The following ARID1B variants were observed in gnomAD, a reference collection of about 807,000 sequenced individuals.
The protein encoded by ARID1B is AT-rich interaction domain 1B.
A neutral mutation model predicts 212.3 loss-of-function variants in ARID1B; 30 were observed. That is an observed-to-expected ratio of 0.14 (90% CI 0.11 to 0.19). ARID1B has a LOEUF of 0.19. ARID1B is among the 10% of genes least tolerant of loss of function. The pLI, the probability that ARID1B is intolerant of heterozygous loss-of-function variation, is 1.00. For missense variants in ARID1B, 2,891 were observed against 3,204.0 expected, an observed-to-expected ratio of 0.90 and a Z score of 2.36; for synonymous variants, 1,402 against 1,301.7, an observed-to-expected ratio of 1.08 and a Z score of -1.66.
At chr6:157,187,546 G>A (rs747969377) in intron 13 of ARID1B, among the ~76,000 whole-genome samples, 6 of 152,130 alleles carry the variant, frequency 3.9e-5, no homozygotes, top group African/African-American at 7.2e-5. Flanking sequence ...CACCAGGTTC[G>A]TGCCGGGTAA....
chr6:157,011,108 C>G (rs1466169834), intron 4 of ARID1B, among the ~76,000 whole-genome samples: 3 of 152,108 alleles, frequency 2.0e-5, no homozygotes, highest in Non-Finnish European at 4.4e-5. Flanking sequence ...TTCTGTACTT[C>G]TTTTCATTTG....
chr6:157,140,487 C>G (rs1464861359), intron 7 of ARID1B: 1 of 395,324 alleles, frequency 2.5e-6, no homozygotes, highest in Non-Finnish European at 4.5e-6. Context: ...ATAAAAAGAA[C>G]ACTTTTTGCC....
chr6:156,777,873 G>C lies in ARID1B; in HGVS notation c.193G>C (p.Gly65Arg), dbSNP rs1475395446. Residue 65 changes from glycine (G) to arginine (R), a missense_variant, in exon 1 of 20, where the codon GGC becomes CGC. By Grantham distance (125) the Gly-to-Arg change is moderately radical. This residue lies in a region of ARID1B where 1,643 missense variants were observed against 1,544.0 expected (regional missense o/e 1.06). Transcript: ENST00000636930. ...GPMLGGGGDG[G>R]GGLNSVHHHP... The stretch of plus-strand genomic sequence containing the variant: ...CATGCTGGGGGGCGGCGGCGACGGC[G>C]GCGGCGGCCTGAACAGTGTGCACCA... 2 of 1,346,976 alleles carry C rather than the reference G, an allele frequency of 1.5e-6. No individual in the cohort carries two copies. The highest frequency in any genetic ancestry group is 3.9e-5 in the Admixed American group (1 of 25,414). 83.4% of individuals were successfully genotyped at this position (1,346,976 alleles called of 1,614,324 possible).
At chr6:156,856,036 G>A (rs1045573423) in intron 2 of ARID1B, among the ~76,000 whole-genome samples, 2 of 152,162 alleles carry the variant, frequency 1.3e-5, no homozygotes, top group African/African-American at 2.4e-5. Context: ...TAGATGGAGG[G>A]AAGACAGCAG....
chr6:157,048,741 C>T (rs763465569), intron 4 of ARID1B, among the ~76,000 whole-genome samples: 9 of 152,280 alleles, frequency 5.9e-5, no homozygotes, highest in Non-Finnish European at 1.2e-4. Flanking sequence ...TCCCTGAATT[C>T]GGCTGGTGTC....
At chr6:157,080,424 A>G (rs996134479) in intron 4 of ARID1B, among the ~76,000 whole-genome samples, 5 of 152,208 alleles carry the variant, frequency 3.3e-5, no homozygotes, top group African/African-American at 1.2e-4. Flanking sequence ...GCAAGTCGTC[A>G]TGTAGTAATG....
At chr6:157,132,652 C>T (rs757293825) in intron 6 of ARID1B, among the ~76,000 whole-genome samples, 2 of 152,190 alleles carry the variant, frequency 1.3e-5, no homozygotes, top group South Asian at 4.1e-4. Flanking sequence ...CAGGCACGCA[C>T]GGCATGGCCA....
At chr6:156,784,529 T>G (rs2115089056) in intron 1 of ARID1B, among the ~76,000 whole-genome samples, 1 of 152,322 alleles carries the variant, frequency 6.6e-6, no homozygotes, top group South Asian at 2.1e-4. Context: ...GACTTAGGTA[T>G]CAGTCATTAC....
At position 157,148,578 on chromosome 6, in the gene ARID1B, A is replaced by G; in HGVS notation, c.2762-46A>G. The G allele has an allele frequency of 1.3e-6, 2 of 1,551,520 alleles. No homozygotes were observed. Among genetic ancestry groups the G allele is most frequent in the Non-Finnish European group, 8.8e-7 (1 of 1,141,488 alleles). ...AAAAGTATTTCCAGTGAATGTTGTC[A>G]CAAGTTTAAATAAAAGGCTTTACTT... On this transcript the variant is annotated intron_variant, in intron 7 of 19. Coordinates refer to ENST00000636930, the MANE Select transcript of ARID1B (RefSeq NM_001374828.1). The surrounding 1 kb of genome is among the most constrained non-coding windows in gnomAD (Gnocchi z 5.6).
rs756220726 is a variant in ARID1B, at chr6:157,207,041, A to G, written c.6269A>G (p.Lys2090Arg). ...CCTGGCAATGATGCCGAAATGTCCA[A>G]ACATCCAGGCCTGGTGCTGATCCTG... ...FVPGNDAEMSKHPGLVLILGK... is the reference protein window; with the variant it reads ...FVPGNDAEMSRHPGLVLILGK... The change falls in exon 20 of 20, where the codon AAA (lysine) becomes AGA (arginine). Residue 2090 changes from lysine to arginine, a missense_variant. Physicochemically the swap from Lys to Arg is conservative, Grantham distance 26 (BLOSUM62 2). Transcript: ENST00000636930. The surrounding 1 kb of genome is among the most constrained non-coding windows in gnomAD (Gnocchi z 8.5). The G allele has an allele frequency of 1.8e-5, 29 of 1,614,056 alleles. No individual in the cohort carries two copies. The highest frequency in any genetic ancestry group is 3.3e-5 in the Admixed American group (2 of 60,010).
At position 156,917,239 on chromosome 6, in the gene ARID1B, T is replaced by C. The variant is rs777385181; in HGVS notation, c.2136+15714T>C. The stretch of plus-strand genomic sequence containing the variant: ...CGTATAGTTTCTCTTCAAGTTGATA[T>C]AGTTGTTTCGGATTCTTAAGAGAAA... On this transcript the variant is annotated intron_variant, in intron 3 of 19. Transcript: ENST00000636930. Among the ~76,000 whole-genome samples, 3 of 152,204 alleles carry C rather than the reference T, an allele frequency of 2.0e-5. No homozygotes were observed. In the East Asian group the frequency reaches 5.8e-4, roughly 29 times the overall value.
At chr6:156,836,621 C>T (rs1051867845) in intron 2 of ARID1B, among the ~76,000 whole-genome samples, 20 of 152,064 alleles carry the variant, frequency 1.3e-4, no homozygotes, top group Admixed American at 1.2e-3. Context: ...TGGATTTCCC[C>T]TTTAAAGTAA....
At position 156,777,457 on chromosome 6, in the gene ARID1B, A is replaced by G. The variant is rs1371578338; in HGVS notation, c.-224A>G. Reference sequence around the variant, plus strand: ...CTAGAGAGGAAAAGAGAAAAGTTTCATTTAAACCTGAACTAAAAACTTTCA... The same window carrying G: ...CTAGAGAGGAAAAGAGAAAAGTTTCGTTTAAACCTGAACTAAAAACTTTCA... On this transcript the variant is annotated 5_prime_UTR_variant, in exon 1 of 20. Transcript: ENST00000636930. 6.6e-6 allele frequency: 1 copy of G among 150,702 alleles called. No individual in the cohort carries two copies. Among genetic ancestry groups the G allele is most frequent in the Non-Finnish European group, 1.5e-5 (1 of 67,632 alleles). 9.3% of individuals were successfully genotyped at this position (150,702 alleles called of 1,614,324 possible). A position where few individuals can be genotyped will look rare whatever the true frequency, so the allele number is the denominator to read the frequency against.
chr6:157,039,400 G>A (rs570021371), intron 4 of ARID1B, among the ~76,000 whole-genome samples: 1 of 139,028 alleles, frequency 7.2e-6, no homozygotes, highest in East Asian at 2.1e-4. Flanking sequence ...GCGCAATCTC[G>A]GCTCACTGCA....
chr6:157,047,072 T>C (rs556775876), intron 4 of ARID1B, among the ~76,000 whole-genome samples: 2 of 152,328 alleles, frequency 1.3e-5, no homozygotes, highest in East Asian at 3.9e-4. Context: ...TTTTACAGAA[T>C]TGGCATTTCG....
intron 6 of ARID1B, among the ~76,000 whole-genome samples, chr6:157,111,517 A>T (rs971203491): frequency 6.6e-6 from 1 of 152,202 alleles, no homozygotes; most frequent in East Asian, 1.9e-4. Context: ...CCCAGAGGCC[A>T]GAAGTTCCTA....
At chr6:157,154,293 T>G (rs1199021409) in intron 8 of ARID1B, among the ~76,000 whole-genome samples, 2 of 152,188 alleles carry the variant, frequency 1.3e-5, no homozygotes, top group Non-Finnish European at 2.9e-5. Flanking sequence ...CATATATAAA[T>G]TTTGATCAAG....
At chr6:157,167,724 A>T (rs1791434234) in intron 9 of ARID1B, 2 of 152,918 alleles carry the variant, frequency 1.3e-5, no homozygotes. Context: ...ATTTTAACCC[A>T]TTTTATAATC....
At position 156,874,565 on chromosome 6, in the gene ARID1B, A is replaced by G. The variant is rs149852043; in HGVS notation, c.1987-26811A>G. Among the ~76,000 whole-genome samples the G allele has an allele frequency of 2.7e-3, 418 of 152,310 alleles. 3 individuals carry two copies. Among genetic ancestry groups the G allele is most frequent in the African/African-American group, 9.4e-3 (392 of 41,564 alleles). ...CCCCAAACTAAAAATCAGCAGGTGC[A>G]TCTGCAGTCCCCTTTTCAGTGTGGC... On this transcript the variant is annotated intron_variant, in intron 2 of 19. Transcript: ENST00000636930.
Sources: allele counts gnomAD v4.1 joint callset (sites outside exome capture counted in the v4.1 genomes callset), GRCh38; gene constraint gnomAD v4.1.1; regional missense constraint gnomAD v4.1.1; non-coding constraint Gnocchi (gnomAD v3.1); transcripts MANE v1.5; gene names NCBI Gene and HGNC (gene_info 2026-07-23, HGNC 2026-07-21).